SEC24A: variants seen among roughly 807,000 people sequenced by gnomAD.
SEC24A encodes protein transport protein Sec24A.
A neutral mutation model predicts 129.4 loss-of-function variants in SEC24A; 93 were observed. That is an observed-to-expected ratio of 0.72 (90% CI 0.61 to 0.85). The LOEUF is 0.85. SEC24A is among the 40% of genes least tolerant of loss of function. SEC24A has a pLI of 0.00. For missense variants in SEC24A, 1,264 were observed against 1,307.4 expected (o/e 0.97, Z 0.51); for synonymous variants, 460 against 467.3 (o/e 0.98, Z 0.20).
At chr5:134,717,558 T>A (rs1752513109) in intron 19 of SEC24A, among the ~76,000 whole-genome samples, 1 of 152,036 alleles carries the variant, frequency 6.6e-6, no homozygotes. Context: ...TTAATTTGGC[T>A]TTATTGGGAG....
At chr5:134,702,254 A>G (rs1044358904) in intron 15 of SEC24A, among the ~76,000 whole-genome samples, 3 of 152,076 alleles carry the variant, frequency 2.0e-5, no homozygotes, top group Non-Finnish European at 4.4e-5. Context: ...GGCTTAAGCA[A>G]TCTTCCTGCT....
intron 17 of SEC24A, among the ~76,000 whole-genome samples, chr5:134,706,044 T>C (rs144006178): frequency 1.3e-5 from 2 of 152,052 alleles, no homozygotes; most frequent in African/African-American, 4.8e-5. Flanking sequence ...TGCGCCACCA[T>C]GCCCAGCTAA....
At chr5:134,693,162 G>C (rs574660476) in intron 12 of SEC24A, 3 of 1,534,570 alleles carry the variant, frequency 2.0e-6, no homozygotes, top group Non-Finnish European at 2.6e-6. Flanking sequence ...CATATATGCC[G>C]TAGGGGTAAC....
upstream of SEC24A, chr5:134,648,520 T>A (rs996815649): frequency 6.6e-6 from 1 of 152,640 alleles, no homozygotes; most frequent in African/African-American, 2.4e-5. Context: ...CCCACGATCC[T>A]GGCTCTGCGA....
At chr5:134,657,724 G>T (rs763249754) in intron 1 of SEC24A, among the ~76,000 whole-genome samples, 3 of 152,038 alleles carry the variant, frequency 2.0e-5, no homozygotes, top group Non-Finnish European at 2.9e-5. Context: ...ATATAGGCAC[G>T]TGCCACCACA....
At chr5:134,659,500 A>G (rs1167707442) in intron 1 of SEC24A, among the ~76,000 whole-genome samples, 1 of 152,110 alleles carries the variant, frequency 6.6e-6, no homozygotes. Context: ...ATTGATCCAT[A>G]TATGATTTTC....
chr5:134,662,492 T>TA (rs1352526072), intron 2 of SEC24A, among the ~76,000 whole-genome samples: 1 of 152,182 alleles, frequency 6.6e-6, no homozygotes, highest in Non-Finnish European at 1.5e-5. Context: ...TGCAGGTTGA[T>TA]ACTTCTCAGC....
chr5:134,682,086 A>T (rs1751292629), intron 8 of SEC24A, among the ~76,000 whole-genome samples: 1 of 152,022 alleles, frequency 6.6e-6, no homozygotes, highest in Non-Finnish European at 1.5e-5. Context: ...TACTAAAAAT[A>T]CAAAAAATTA....
chr5:134,669,067 G>C lies in SEC24A; in HGVS notation c.739+2071G>C, dbSNP rs112455100. 5.7e-3 allele frequency among the ~76,000 whole-genome samples: 862 copies of C among 151,338 alleles called. 7 individuals are homozygous for C. Among genetic ancestry groups the C allele is most frequent in the African/African-American group, 0.019 (784 of 41,336 alleles). On this transcript the variant is annotated intron_variant, in intron 3 of 22. Transcript: ENST00000398844. ...AGCCTGGGTGACAGAGTAAGACTCAGTCTCAAAAAAAAGAGTATCAAAATG... is the reference window on the plus strand; with the variant it reads ...AGCCTGGGTGACAGAGTAAGACTCACTCTCAAAAAAAAGAGTATCAAAATG...
At chr5:134,673,305 C>T (rs1468204385) in intron 4 of SEC24A, among the ~76,000 whole-genome samples, 2 of 151,720 alleles carry the variant, frequency 1.3e-5, no homozygotes, top group African/African-American at 2.4e-5. Flanking sequence ...CCACCTACCT[C>T]GGCCTCCCAA....
At chr5:134,687,972 T>C (rs1336878989) in intron 10 of SEC24A, among the ~76,000 whole-genome samples, 1 of 152,214 alleles carries the variant, frequency 6.6e-6, no homozygotes, top group East Asian at 1.9e-4. Context: ...ATTGCTGTTT[T>C]TTGTTTATTG....
intron 20 of SEC24A, among the ~76,000 whole-genome samples, chr5:134,719,801 C>T (rs991396651): frequency 2.0e-5 from 3 of 152,118 alleles, no homozygotes; most frequent in Admixed American, 6.6e-5. Context: ...GCCTGACCAA[C>T]GTGGAGAAAC....
intron 1 of SEC24A, among the ~76,000 whole-genome samples, chr5:134,658,380 C>T (rs1750323746): frequency 6.6e-6 from 1 of 152,114 alleles, no homozygotes; most frequent in East Asian, 1.9e-4. Context: ...TATGTTGGAA[C>T]ATTACTTGGG....
At chr5:134,650,839 A>G (rs1016996802) in intron 1 of SEC24A, among the ~76,000 whole-genome samples, 2 of 151,980 alleles carry the variant, frequency 1.3e-5, no homozygotes, top group African/African-American at 4.8e-5. Context: ...CAATGGCGCT[A>G]TCTCGGCTCA....
rs761669348 is a variant in SEC24A, at chr5:134,697,895, C to T, written c.2108-4C>T. Reference sequence around the variant, plus strand: ...AGTTTAAAACAGTGTGTGTTCTCTTCCAGGTTGTATTTCTCGGTATTCAGC... The same window carrying T: ...AGTTTAAAACAGTGTGTGTTCTCTTTCAGGTTGTATTTCTCGGTATTCAGC... On this transcript the variant is annotated splice_polypyrimidine_tract_variant and splice_region_variant and intron_variant, in intron 14 of 22. Transcript: ENST00000398844. The T allele has an allele frequency of 4.3e-6, 7 of 1,609,726 alleles. No homozygotes were observed. The highest frequency in any genetic ancestry group is 5.9e-6 in the Non-Finnish European group (7 of 1,178,606).
intron 11 of SEC24A, among the ~76,000 whole-genome samples, chr5:134,688,597 G>A (rs1751528750): frequency 6.6e-6 from 1 of 152,020 alleles, no homozygotes. Context: ...AAGTATTTGA[G>A]GATAGACATA....
rs116587406 is a variant in SEC24A, at chr5:134,712,084, G to A, written c.2728-2940G>A. Among the ~76,000 whole-genome samples, 1,049 of 151,946 alleles carry A rather than the reference G, an allele frequency of 6.9e-3. 10 individuals carry two copies. Among genetic ancestry groups the A allele is most frequent in the African/African-American group, 0.024 (991 of 41,494 alleles). ...CTGACCTCAATGATCCACTGGCCTC[G>A]GCCTCCTAAATTGCTGGGATTATAG... On this transcript the variant is annotated intron_variant, in intron 18 of 22. Transcript: ENST00000398844.
At position 134,664,545 on chromosome 5, in the gene SEC24A, T is replaced by A. The variant is rs535121614; in HGVS notation, c.566-2278T>A. On this transcript the variant is annotated intron_variant, in intron 2 of 22. Coordinates refer to ENST00000398844, the MANE Select transcript of SEC24A (RefSeq NM_021982.3). ...AAAATCTCTGTAAGTTTACTTTTAT[T>A]CGTTAAACATTAGGTTGTAGGTTAC... Among the ~76,000 whole-genome samples, 33 of 152,308 alleles carry A rather than the reference T, an allele frequency of 2.2e-4. No individual in the cohort carries two copies. In the South Asian group the frequency reaches 5.2e-3, roughly 24 times the overall value.
intron 17 of SEC24A, among the ~76,000 whole-genome samples, chr5:134,707,399 G>A (rs558832927): frequency 6.6e-6 from 1 of 150,886 alleles, no homozygotes; most frequent in East Asian, 2.0e-4. Context: ...GCGTGATCTC[G>A]GCTCACTGCA....
Sources: gnomAD v4.1 joint callset for allele counts (sites outside exome capture counted in the v4.1 genomes callset) on GRCh38, gnomAD v4.1.1 for gene constraint, MANE v1.5 for transcripts, NCBI Gene and HGNC (gene_info 2026-07-23, HGNC 2026-07-21) for gene names.